Variants in SEPSECS observed in about 807,000 individuals in gnomAD.
The protein encoded by SEPSECS is Sep (O-phosphoserine) tRNA:Sec (selenocysteine) tRNA synthase.
Under a neutral mutation model 52.1 loss-of-function variants are expected in SEPSECS, and 42 were observed. The ratio of observed to expected loss-of-function variants is 0.81; its 90% CI spans 0.63 to 1.04. The LOEUF (loss-of-function observed/expected upper bound fraction) is 1.04. SEPSECS is among the 50% of genes least tolerant of loss of function. The pLI, the probability that SEPSECS is intolerant of heterozygous loss-of-function variation, is 0.00. For synonymous variants in SEPSECS, 216 were observed against 211.4 expected (o/e 1.02, Z -0.19); for missense variants, 590 against 610.6 (o/e 0.97, Z 0.36).
At chr4:25,135,706 C>T (rs1420973108) in intron 8 of SEPSECS, among the ~76,000 whole-genome samples, 1 of 152,098 alleles carries the variant, frequency 6.6e-6, no homozygotes, top group Non-Finnish European at 1.5e-5. Context: ...TTTTATGAGG[C>T]CAGCATCATC....
Position 25,155,030 on chromosome 4 carries a change from A to G in SEPSECS, c.669T>C (p.Thr223=). The G allele has an allele frequency of 6.2e-7, 1 of 1,614,178 alleles. No individual in the cohort carries two copies. Among genetic ancestry groups the G allele is most frequent in the Non-Finnish European group, 8.5e-7 (1 of 1,179,988 alleles). Residue 223 remains threonine, a synonymous_variant, in exon 5 of 11, where the codon ACT becomes ACC. Transcript: ENST00000382103. ...GCACCCTTGGAGCAAAACAGGATGTAGTAGAATGAATACACAGAATGCAAT... is the reference window on the plus strand; with the variant it reads ...GCACCCTTGGAGCAAAACAGGATGTGGTAGAATGAATACACAGAATGCAAT... ...GPDCILCIHS[T]TSCFAPRVPD...
intron 8 of SEPSECS, among the ~76,000 whole-genome samples, chr4:25,142,229 A>G (rs999018677): frequency 6.6e-6 from 1 of 152,144 alleles, no homozygotes; most frequent in Non-Finnish European, 1.5e-5. Context: ...GTGAGGCAAG[A>G]TCACGCCACT....
intron 8 of SEPSECS, among the ~76,000 whole-genome samples, chr4:25,133,802 T>A (rs1270986373): frequency 6.6e-6 from 1 of 151,592 alleles, no homozygotes; most frequent in East Asian, 1.9e-4. Flanking sequence ...AACATAGAAA[T>A]ATACAGTAGA....
rs1189465685 is a variant in SEPSECS, at chr4:25,124,012, T to A, written c.1425A>T (p.Lys475Asn). 1 of 1,613,486 alleles carries A rather than the reference T, an allele frequency of 6.2e-7. No homozygotes were observed. Among genetic ancestry groups the A allele is most frequent in the Non-Finnish European group, 8.5e-7 (1 of 1,179,606 alleles). Residue 475 changes from lysine (K) to asparagine (N), a missense_variant, in exon 11 of 11, where the codon AAA becomes AAT. Lys to Asn is a moderately conservative substitution (Grantham distance 94). Transcript: ENST00000382103. ...TTTCTTCAATATCCACATCTTCAGT[T>A]TTGTCATAATTGTCATCACTCTCTT... ...RSKESDDNYD[K>N]TEDVDIEEMA...
intron 5 of SEPSECS, 82 bp from the exon 6 acceptor site, chr4:25,152,144 AAT>A (rs1712344624): frequency 4.7e-6 from 4 of 847,424 alleles, no homozygotes; most frequent in Middle Eastern, 3.0e-4. Context: ...TTAAAAATTT[AAT>A]AGTTATCCTT....
At chr4:25,145,799 T>G (rs952239731) in intron 6 of SEPSECS, among the ~76,000 whole-genome samples, 4 of 152,190 alleles carry the variant, frequency 2.6e-5, no homozygotes, top group Admixed American at 6.5e-5. Flanking sequence ...CTTTAATGCT[T>G]GGACAATCTA....
Position 25,144,894 on chromosome 4 carries a change from G to A in SEPSECS, c.935-29C>T, listed in dbSNP as rs775870515. 6.9e-6 allele frequency: 11 copies of A among 1,592,312 alleles called. No homozygotes were observed. In the Admixed American group the frequency reaches 1.8e-4, roughly 27 times the overall value. On this transcript the variant is annotated intron_variant, in intron 7 of 10. Coordinates refer to ENST00000382103, the MANE Select transcript of SEPSECS (RefSeq NM_016955.4). ...AAATAAGAAGGATAAGTTACATTAA[G>A]ACTGTGGTGGGGGGGTAGCTTTGGA... is the stretch of plus-strand genomic sequence containing the variant.
Position 25,160,308 on chromosome 4 carries a change from C to T in SEPSECS, c.62G>A (p.Gly21Asp). The T allele has an allele frequency of 6.5e-7, 1 of 1,549,772 alleles. No homozygotes were observed. The highest frequency in any genetic ancestry group is 8.7e-7 in the Non-Finnish European group (1 of 1,146,450). ...RLVSPAYVRQ[G>D]CEARRSHEHL... ...CTCATGCGAGCGGCGGGCCTCACAG[C>T]CCTGCCGCACGTAAGCCGGCGACAC... The change falls in exon 1 of 11, where the codon GGC becomes GAC. Residue 21 changes from glycine (G) to aspartate (D), a missense_variant. Physicochemically the swap from Gly to Asp is moderately conservative, Grantham distance 94 (BLOSUM62 -1). Coordinates refer to ENST00000382103, the MANE Select transcript of SEPSECS (RefSeq NM_016955.4).
In SEPSECS at chr4:25,140,647, G is replaced by A. The variant is rs554922458; in HGVS notation, c.1026+4127C>T. On this transcript the variant is annotated intron_variant, in intron 8 of 10. Transcript: ENST00000382103. ...GTGCCTTCCACATAGTAAGTGCTCA[G>A]TATTACGTGTAATTATTTCATATGT... is the stretch of plus-strand genomic sequence containing the variant. 4.7e-4 allele frequency among the ~76,000 whole-genome samples: 72 copies of A among 152,290 alleles called. No homozygotes were observed. In the Middle Eastern group the frequency reaches 0.01, roughly 22 times the overall value.
chr4:25,153,502 T>TA (rs1487830047), intron 5 of SEPSECS, among the ~76,000 whole-genome samples: 1 of 151,954 alleles, frequency 6.6e-6, no homozygotes, highest in Non-Finnish European at 1.5e-5. Context: ...ATCAAATTGT[T>TA]TTCTAACTTA....
intron 8 of SEPSECS, among the ~76,000 whole-genome samples, chr4:25,128,330 A>G (rs952154840): frequency 6.6e-6 from 1 of 152,158 alleles, no homozygotes; most frequent in Admixed American, 6.6e-5. Flanking sequence ...TAAATCACAC[A>G]ACATTAAAGT....
intron 8 of SEPSECS, among the ~76,000 whole-genome samples, chr4:25,131,488 T>A (rs1230769540): frequency 6.6e-6 from 1 of 152,178 alleles, no homozygotes; most frequent in Admixed American, 6.5e-5. Flanking sequence ...GTACTAAATA[T>A]GACATGCTGC....
intron 8 of SEPSECS, among the ~76,000 whole-genome samples, chr4:25,139,384 CTTTTT>C (rs5856888): frequency 9.2e-6 from 1 of 108,848 alleles, no homozygotes; most frequent in African/African-American, 3.5e-5. Context: ...AAAGTTGTGT[CTTTTT>C]TTTTTTTTTT....
Position 25,120,302 on chromosome 4 carries a change from A to C in SEPSECS, c.*3629T>G, listed in dbSNP as rs193049643. 1 of 152,268 alleles carries C rather than the reference A, an allele frequency of 6.6e-6. No homozygotes were observed. Among genetic ancestry groups the C allele is most frequent in the African/African-American group, 2.4e-5 (1 of 41,574 alleles). 9.4% of individuals were successfully genotyped at this position (152,268 alleles called of 1,614,324 possible). A position where few individuals can be genotyped will look rare whatever the true frequency, so the allele number is the denominator to read the frequency against. On this transcript the variant is annotated 3_prime_UTR_variant, in exon 11 of 11. Transcript: ENST00000382103. Reference sequence around the variant, plus strand: ...CTTTAACTGCAGAGTAGTGAGTAGGAAATTACAAACATATATTCATTAGCC... The same window carrying C: ...CTTTAACTGCAGAGTAGTGAGTAGGCAATTACAAACATATATTCATTAGCC...
intron 8 of SEPSECS, among the ~76,000 whole-genome samples, chr4:25,131,445 G>A (rs1171034063): frequency 6.6e-6 from 1 of 152,210 alleles, no homozygotes; most frequent in African/African-American, 2.4e-5. Flanking sequence ...GGTAAATATT[G>A]AAGCAGACAG....
intron 3 of SEPSECS, 79 bp from the exon 4 acceptor site, chr4:25,156,274 T>C (rs1712628080): frequency 3.1e-6 from 4 of 1,300,566 alleles, no homozygotes; most frequent in Non-Finnish European, 4.4e-6. Flanking sequence ...ATATATTTCA[T>C]ATATAAAATA....
At position 25,140,431 on chromosome 4, in the gene SEPSECS, T is replaced by C. The variant is rs534147442; in HGVS notation, c.1026+4343A>G. Among the ~76,000 whole-genome samples, 5 of 152,342 alleles carry C rather than the reference T, an allele frequency of 3.3e-5. 1 individual carries two copies. Among genetic ancestry groups the C allele is most frequent in the East Asian group, 1.9e-4 (1 of 5,190 alleles). On this transcript the variant is annotated intron_variant, in intron 8 of 10. Transcript: ENST00000382103. The stretch of plus-strand genomic sequence containing the variant: ...ATCCACCAGGCTAGGTTATCTTCTA[T>C]ATTTAAAAAGGCAAAGTAGAATTTA...
At chr4:25,150,819 C>T (rs908119091) in intron 6 of SEPSECS, among the ~76,000 whole-genome samples, 13 of 151,844 alleles carry the variant, frequency 8.6e-5, no homozygotes, top group African/African-American at 2.4e-4. Flanking sequence ...CAGTCTGGGC[C>T]GCATGACAAA....
chr4:25,125,056 T>C (rs1187919480), intron 10 of SEPSECS, among the ~76,000 whole-genome samples: 1 of 152,154 alleles, frequency 6.6e-6, no homozygotes. Flanking sequence ...TAATCTAAGA[T>C]TTTACTTTTA....
Sources: gnomAD v4.1 joint callset for allele counts (sites outside exome capture counted in the v4.1 genomes callset) on GRCh38, gnomAD v4.1.1 for gene constraint, MANE v1.5 for transcripts, NCBI Gene and HGNC (gene_info 2026-07-23, HGNC 2026-07-21) for gene names.